TYW1B: variants seen among roughly 807,000 people sequenced by gnomAD.
TYW1B encodes the protein S-adenosyl-L-methionine-dependent tRNA 4-demethylwyosine synthase TYW1B.
A neutral mutation model predicts 86.9 loss-of-function variants in TYW1B; 73 were observed. The ratio of observed to expected loss-of-function variants is 0.84; its 90% CI spans 0.70 to 1.02. The LOEUF is 1.02. TYW1B is among the 50% of genes least tolerant of loss of function. TYW1B has a pLI of 0.00. For missense variants in TYW1B, 637 were observed against 827.4 expected, an observed-to-expected ratio of 0.77 and a Z score of 2.82; for synonymous variants, 248 against 292.8, an observed-to-expected ratio of 0.85 and a Z score of 1.56.
At chr7:72,654,860 G>A (rs1813160710) in intron 11 of TYW1B, among the ~76,000 whole-genome samples, 1 of 152,292 alleles carries the variant, frequency 6.6e-6, no homozygotes, top group Admixed American at 6.5e-5. Context: ...CAGCCTGGGT[G>A]ACAGAGAGAG....
chr7:72,671,805 C>CA (rs1813607048), intron 11 of TYW1B, among the ~76,000 whole-genome samples: 1 of 148,206 alleles, frequency 6.7e-6, no homozygotes, highest in Non-Finnish European at 1.5e-5. Context: ...ACTTTATTCA[C>CA]TTTATTAACT....
At chr7:72,631,046 T>C (rs1231635632) in intron 11 of TYW1B, among the ~76,000 whole-genome samples, 1 of 152,004 alleles carries the variant, frequency 6.6e-6, no homozygotes, top group East Asian at 1.9e-4. Context: ...TCTTCATAGA[T>C]ACCCAAAGGT....
At chr7:72,796,866 G>A (rs1374036743) in intron 6 of TYW1B, among the ~76,000 whole-genome samples, 2 of 136,550 alleles carry the variant, frequency 1.5e-5, no homozygotes, top group African/African-American at 5.5e-5. Flanking sequence ...GTACAATGGT[G>A]CAATCTCGGC....
chr7:72,655,450 G>C (rs1942694117), intron 11 of TYW1B, among the ~76,000 whole-genome samples: 1 of 152,082 alleles, frequency 6.6e-6, no homozygotes. Flanking sequence ...ACTGCATCCT[G>C]CCCTGGAGCC....
chr7:72,596,777 C>A (rs1245616961), intron 13 of TYW1B, among the ~76,000 whole-genome samples: 1 of 151,808 alleles, frequency 6.6e-6, no homozygotes, highest in Non-Finnish European at 1.5e-5. Context: ...ACAAACTGGA[C>A]CTTATGAAAA....
chr7:72,624,109 T>G (rs1353536339), intron 12 of TYW1B, among the ~76,000 whole-genome samples: 64 of 152,168 alleles, frequency 4.2e-4, no homozygotes, highest in African/African-American at 1.5e-3. Flanking sequence ...CCAATGATTT[T>G]AAAAACTCCT....
chr7:72,816,819 G>GAGA (rs1554479530), intron 2 of TYW1B, among the ~76,000 whole-genome samples: 4 of 152,326 alleles, frequency 2.6e-5, no homozygotes, highest in African/African-American at 9.6e-5. Flanking sequence ...ACGTGCTGGG[G>GAGA]AGAAGACACG....
chr7:72,658,631 AACT>A (rs1473852633), intron 11 of TYW1B, among the ~76,000 whole-genome samples: 2 of 152,242 alleles, frequency 1.3e-5, no homozygotes, highest in Non-Finnish European at 2.9e-5. Context: ...CTTAAAAAGA[AACT>A]ACATTATACA....
At chr7:72,784,106 T>C (rs1200157953) in intron 6 of TYW1B, among the ~76,000 whole-genome samples, 1 of 151,574 alleles carries the variant, frequency 6.6e-6, no homozygotes, top group African/African-American at 2.4e-5. Flanking sequence ...AGCCAGAACA[T>C]TGCTGTGGGG....
At chr7:72,717,737 G>GA (rs1386779157) in intron 9 of TYW1B, among the ~76,000 whole-genome samples, 1 of 151,634 alleles carries the variant, frequency 6.6e-6, no homozygotes, top group Non-Finnish European at 1.5e-5. Flanking sequence ...TAAGTTACGT[G>GA]AAAAAAACAC....
intron 13 of TYW1B, among the ~76,000 whole-genome samples, chr7:72,590,889 G>C (rs1450207245): frequency 1.2e-4 from 19 of 152,244 alleles, no homozygotes; most frequent in Non-Finnish European, 2.8e-4. Context: ...ACTAGAAACA[G>C]ACTTTAAAAC....
At chr7:72,632,359 ATATATACGCATATATAT>A (rs1812530111) in intron 11 of TYW1B, among the ~76,000 whole-genome samples, 2 of 120,680 alleles carry the variant, frequency 1.7e-5, no homozygotes, top group African/African-American at 3.6e-5. Context: ...TATATATTAT[ATATATACGCATATATAT>A]TATATATATA....
At chr7:72,811,770 G>A (rs151019675) in intron 3 of TYW1B, among the ~76,000 whole-genome samples, 5,971 of 151,438 alleles carry the variant, frequency 0.039, 147 homozygotes, top group Admixed American at 0.058. Context: ...AAACTAGGCA[G>A]GCGTGGTAGT....
At chr7:72,827,343 G>C (rs13311299) in intron 1 of TYW1B, among the ~76,000 whole-genome samples, 1 of 152,216 alleles carries the variant, frequency 6.6e-6, no homozygotes, top group Admixed American at 6.5e-5. Flanking sequence ...GGGAGGCAGA[G>C]GTTGCAGTGA....
intron 2 of TYW1B, among the ~76,000 whole-genome samples, chr7:72,825,596 C>T (rs1788915946): frequency 6.6e-6 from 1 of 152,114 alleles, no homozygotes; most frequent in African/African-American, 2.4e-5. Flanking sequence ...AGGAGAATTG[C>T]TTGAGGTGGA....
At chr7:72,713,211 GA>G (rs1478393045) in intron 10 of TYW1B, among the ~76,000 whole-genome samples, 1 of 141,582 alleles carries the variant, frequency 7.1e-6, no homozygotes, top group Non-Finnish European at 1.5e-5. Context: ...TGAGACAGGA[GA>G]ATCACTTGAA....
intron 13 of TYW1B, 90 bp downstream of exon 13, chr7:72,616,582 A>AT (rs1554436885): frequency 6.3e-7 from 1 of 1,596,342 alleles, no homozygotes; most frequent in African/African-American, 1.3e-5. Flanking sequence ...GATCATCCCT[A>AT]TAACAACGTA....
intron 8 of TYW1B, among the ~76,000 whole-genome samples, chr7:72,743,671 C>G (rs1249804543): frequency 6.6e-6 from 1 of 151,802 alleles, no homozygotes; most frequent in Non-Finnish European, 1.5e-5. Context: ...TGGTGAAACC[C>G]CATCTCTACT....
chr7:72,582,151 C>T (rs1449244545), intron 13 of TYW1B, among the ~76,000 whole-genome samples: 1 of 139,686 alleles, frequency 7.2e-6, no homozygotes, highest in African/African-American at 2.9e-5. Flanking sequence ...TAGTTCTAGA[C>T]AGAAAGGAGA....
Sources: allele counts gnomAD v4.1 joint callset (sites outside exome capture counted in the v4.1 genomes callset), GRCh38; gene constraint gnomAD v4.1.1; transcripts MANE v1.5; gene names NCBI Gene and HGNC (gene_info 2026-07-23, HGNC 2026-07-21).